The following GPATCH8 variants were observed in gnomAD, a reference collection of about 807,000 sequenced individuals.
The protein encoded by GPATCH8 is G-patch domain containing 8, also known as G patch domain-containing protein 8.
Under a neutral mutation model 118.3 loss-of-function variants are expected in GPATCH8, and 18 were observed. The observed-to-expected ratio is 0.15, with a 90% CI of 0.11 to 0.23. The LOEUF is 0.23. GPATCH8 is among the 10% of genes least tolerant of loss of function. GPATCH8 has a pLI of 1.00. For missense variants in GPATCH8, 1,631 were observed against 1,873.8 expected (o/e 0.87, Z 2.39); for synonymous variants, 659 against 684.7 (o/e 0.96, Z 0.59).
At position 44,398,014 on chromosome 17, in the gene GPATCH8, C is replaced by A. The variant is rs1252236722; in HGVS notation, c.4063G>T (p.Ala1355Ser). ...TGCTGAATGTGGATGGGTTGCAGGG[C>A]TGGTGTGGCTGGGGCCAGGGCAGCT... ...ASAALAPATP[A>S]LQPIHIQQPA... The change falls in exon 8 of 8, where the codon GCC becomes TCC. Residue 1355 changes from alanine to serine, a missense_variant. Around this residue, in one of 8 missense-constraint regions of GPATCH8, gnomAD observed 111 missense variants for 112.4 expected, o/e 0.99. Coordinates refer to ENST00000591680, the MANE Select transcript of GPATCH8 (RefSeq NM_001002909.4). The A allele has an allele frequency of 1.2e-6, 2 of 1,613,988 alleles. No individual in the cohort carries two copies. Among genetic ancestry groups the A allele is most frequent in the Non-Finnish European group, 1.7e-6 (2 of 1,179,916 alleles).
At chr17:44,402,714 A>T (rs1485604955) in intron 7 of GPATCH8, among the ~76,000 whole-genome samples, 2 of 152,214 alleles carry the variant, frequency 1.3e-5, no homozygotes, top group Non-Finnish European at 2.9e-5. Context: ...CCACTGTGCT[A>T]CTTATGGCAG....
chr17:44,436,531 TG>T lies in GPATCH8; in HGVS notation c.207del (p.Ile70PhefsTer32). 1 of 1,502,340 alleles carries T rather than the reference TG, an allele frequency of 6.7e-7. No homozygotes were observed. Among genetic ancestry groups the T allele is most frequent in the Non-Finnish European group, 9.3e-7 (1 of 1,077,728 alleles). 93.1% of individuals were successfully genotyped at this position (1,502,340 alleles called of 1,614,324 possible). A position where few individuals can be genotyped will look rare whatever the true frequency, so the allele number is the denominator to read the frequency against. On this transcript the variant is annotated frameshift_variant, in exon 4 of 8. Transcript: ENST00000591680. LOFTEE classifies it high-confidence loss of function. ...ACATCATACTTGACAACGATTGGAA[TG>T]GGATCTGTTCTCCCTGTAACAGGAA... is the stretch of plus-strand genomic sequence containing the variant. ...LGKSLQGRTDPIPIVVKYDVM... is the reference protein window; with the variant it reads ...LGKSLQGRTDXIPIVVKYDVM...
intron 2 of GPATCH8, among the ~76,000 whole-genome samples, chr17:44,471,961 T>C (rs995499953): frequency 6.6e-6 from 1 of 151,646 alleles, no homozygotes; most frequent in Non-Finnish European, 1.5e-5. Context: ...ATCCCTCTTA[T>C]CTTGTGTGTC....
At chr17:44,406,502 G>GT in intron 6 of GPATCH8, among the ~76,000 whole-genome samples, 1 of 122,198 alleles carries the variant, frequency 8.2e-6, no homozygotes, top group Non-Finnish European at 1.7e-5. Context: ...TACATGGGGG[G>GT]GGGGGGTTAT....
intron 1 of GPATCH8, among the ~76,000 whole-genome samples, chr17:44,501,930 A>C (rs759532788): frequency 6.6e-6 from 1 of 150,844 alleles, no homozygotes; most frequent in South Asian, 2.1e-4. Flanking sequence ...ATATATATAT[A>C]TGTGTGTATA....
intron 1 of GPATCH8, among the ~76,000 whole-genome samples, chr17:44,500,557 T>A (rs1969980779): frequency 1.3e-5 from 2 of 152,208 alleles, no homozygotes; most frequent in Admixed American, 6.5e-5. Flanking sequence ...CCCAACTCCC[T>A]CACTCCATAA....
chr17:44,432,213 A>G (rs887606203), intron 5 of GPATCH8, among the ~76,000 whole-genome samples: 9 of 152,200 alleles, frequency 5.9e-5, no homozygotes, highest in Admixed American at 1.3e-4. Context: ...ATTCAGATGT[A>G]TGTACAAATT....
At chr17:44,435,289 T>C in intron 4 of GPATCH8, 138 bp from the exon 5 acceptor site, 2 of 661,420 alleles carry the variant, frequency 3.0e-6, no homozygotes, top group East Asian at 2.7e-5. Flanking sequence ...GCTTGCTTTA[T>C]TGTCACCTCA....
At chr17:44,482,489 G>A (rs1387336680) in intron 1 of GPATCH8, among the ~76,000 whole-genome samples, 3 of 149,662 alleles carry the variant, frequency 2.0e-5, no homozygotes, top group Middle Eastern at 3.3e-3. Flanking sequence ...CAGGAGAATC[G>A]CTTGAATGCA....
At position 44,503,359 on chromosome 17, in the gene GPATCH8, G is replaced by T; in HGVS notation, c.12C>A (p.Arg4=). 6.2e-7 allele frequency: 1 copy of T among 1,610,090 alleles called. No individual in the cohort carries two copies. ...CTCGGTCTTCGTTGAAGCGGGAGAA[G>T]CGGTCCGCCATTTTGCCGCCTTCAC... MAD[R]FSRFNEDRDF... is the part of the protein sequence containing the mutation. The change falls in exon 1 of 8, where the codon CGC becomes CGA. Residue 4 remains arginine (R), a synonymous_variant. Coordinates refer to ENST00000591680, the MANE Select transcript of GPATCH8 (RefSeq NM_001002909.4).
chr17:44,470,285 G>A (rs1013155256), intron 2 of GPATCH8, among the ~76,000 whole-genome samples: 3 of 152,040 alleles, frequency 2.0e-5, no homozygotes, highest in Admixed American at 6.6e-5. Flanking sequence ...GCAGTGGCAC[G>A]ATCTTGGGTT....
chr17:44,426,093 A>G (rs1490370235), intron 5 of GPATCH8, among the ~76,000 whole-genome samples: 1 of 152,200 alleles, frequency 6.6e-6, no homozygotes, highest in African/African-American at 2.4e-5. Context: ...AAAAAAGCCA[A>G]AGGTGGCAAT....
At chr17:44,440,064 G>A (rs1338901972) in intron 3 of GPATCH8, among the ~76,000 whole-genome samples, 1 of 152,090 alleles carries the variant, frequency 6.6e-6, no homozygotes, top group Non-Finnish European at 1.5e-5. Flanking sequence ...TTACAGGCGT[G>A]AACCACCTCG....
chr17:44,503,108 C>T (rs1363631027), intron 1 of GPATCH8, among the ~76,000 whole-genome samples: 2 of 152,234 alleles, frequency 1.3e-5, no homozygotes, highest in Non-Finnish European at 2.9e-5. Context: ...AGCCGCAAGC[C>T]CCGCGGCCTG....
Position 44,399,377 on chromosome 17 carries a change from T to A in GPATCH8, c.2700A>T (p.Arg900Ser). The change falls in exon 8 of 8, where the codon AGA becomes AGT. Residue 900 changes from arginine to serine, a missense_variant. This residue lies in a region of GPATCH8 where 922 missense variants were observed against 879.7 expected (regional missense o/e 1.05). Transcript: ENST00000591680. ...SDDSYSDYSDRSRRHSKRSHD... is the reference protein window; with the variant it reads ...SDDSYSDYSDSSRRHSKRSHD... ...GGGAGCGCTTGGAGTGCCTTCGTGATCTGTCACTGTAGTCACTGTAGCTGT... is the reference window on the plus strand; with the variant it reads ...GGGAGCGCTTGGAGTGCCTTCGTGAACTGTCACTGTAGTCACTGTAGCTGT... 6.2e-7 allele frequency: 1 copy of A among 1,614,108 alleles called. No individual in the cohort carries two copies. The highest frequency in any genetic ancestry group is 8.5e-7 in the Non-Finnish European group (1 of 1,179,940).
chr17:44,483,729 C>T (rs144479812), intron 1 of GPATCH8, among the ~76,000 whole-genome samples: 1 of 152,018 alleles, frequency 6.6e-6, no homozygotes, highest in African/African-American at 2.4e-5. Flanking sequence ...GCAACCTCTG[C>T]CCCCTGGGTT....
chr17:44,419,675 T>TA (rs1417439565), intron 6 of GPATCH8, among the ~76,000 whole-genome samples: 1 of 150,978 alleles, frequency 6.6e-6, no homozygotes, highest in African/African-American at 2.4e-5. Flanking sequence ...TTTTTTTTTT[T>TA]AGAGAGACAG....
intron 1 of GPATCH8, among the ~76,000 whole-genome samples, chr17:44,501,540 T>G (rs1970071604): frequency 6.6e-6 from 1 of 152,160 alleles, no homozygotes; most frequent in East Asian, 1.9e-4. Context: ...AAATCGGGTT[T>G]TGCAATACCC....
At chr17:44,493,276 G>A (rs1333457252) in intron 1 of GPATCH8, among the ~76,000 whole-genome samples, 1 of 152,034 alleles carries the variant, frequency 6.6e-6, no homozygotes, top group Non-Finnish European at 1.5e-5. Context: ...GGCCAGGCTG[G>A]TCACAAACTC....
Sources: allele counts gnomAD v4.1 joint callset (sites outside exome capture counted in the v4.1 genomes callset), GRCh38; gene constraint gnomAD v4.1.1; regional missense constraint gnomAD v4.1.1; transcripts MANE v1.5; gene names NCBI Gene and HGNC (gene_info 2026-07-23, HGNC 2026-07-21).